The following CEP128 variants were observed in gnomAD, a reference collection of about 807,000 sequenced individuals.
CEP128 encodes centrosomal protein 128kDa.
A neutral mutation model predicts 156.7 loss-of-function variants in CEP128; 132 were observed. The ratio of observed to expected loss-of-function variants is 0.84; its 90% CI spans 0.73 to 0.97. The LOEUF (loss-of-function observed/expected upper bound fraction) is 0.97. Among genes scored for constraint, CEP128 ranks in the 50% least tolerant of loss-of-function variants. The probability of loss-of-function intolerance (pLI) is 0.00; values close to 1 mark genes in which losing one functional copy is unlikely to be tolerated. For synonymous variants in CEP128, 469 were observed against 448.9 expected (o/e 1.04, Z -0.57); for missense variants, 1,252 against 1,281.9 (o/e 0.98, Z 0.36).
At chr14:80,770,968 G>C (rs1208466609) in intron 16 of CEP128, among the ~76,000 whole-genome samples, 1 of 152,168 alleles carries the variant, frequency 6.6e-6, no homozygotes, top group Non-Finnish European at 1.5e-5. Flanking sequence ...ACTTTGCAAA[G>C]TAGTGAATAC....
intron 19 of CEP128, among the ~76,000 whole-genome samples, chr14:80,596,819 C>CA (rs57402112): frequency 0.16 from 2,286 of 13,974 alleles, 639 homozygotes; most frequent in Admixed American, 0.22. Context: ...GACACTGTCA[C>CA]AAAAAAAAAA....
At chr14:80,769,942 T>A (rs930386267) in intron 16 of CEP128, among the ~76,000 whole-genome samples, 6 of 152,350 alleles carry the variant, frequency 3.9e-5, no homozygotes, top group African/African-American at 1.4e-4. Flanking sequence ...AGAACTTTCA[T>A]GTTGCCTATT....
At chr14:80,924,026 T>C (rs1393396384) in intron 2 of CEP128, among the ~76,000 whole-genome samples, 2 of 152,204 alleles carry the variant, frequency 1.3e-5, no homozygotes, top group African/African-American at 2.4e-5. Context: ...TCCACCATGA[T>C]TGTAAGTTTC....
At chr14:80,887,744 C>A (rs978088629) in intron 8 of CEP128, among the ~76,000 whole-genome samples, 7 of 152,028 alleles carry the variant, frequency 4.6e-5, no homozygotes, top group African/African-American at 1.7e-4. Flanking sequence ...CAAAAGAATT[C>A]AAAAGCTAGG....
chr14:80,594,179 C>T (rs1892213924), intron 19 of CEP128, among the ~76,000 whole-genome samples: 1 of 152,154 alleles, frequency 6.6e-6, no homozygotes, highest in Non-Finnish European at 1.5e-5. Context: ...ACATCTACAA[C>T]CATTTCACCT....
chr14:80,812,414 A>G (rs974313793), intron 13 of CEP128, among the ~76,000 whole-genome samples: 24 of 152,336 alleles, frequency 1.6e-4, no homozygotes, highest in Non-Finnish European at 3.4e-4. Context: ...CTTTCAGTAT[A>G]TACCCAGTAA....
intron 14 of CEP128, among the ~76,000 whole-genome samples, chr14:80,786,680 G>A (rs1901425229): frequency 6.6e-6 from 1 of 152,172 alleles, no homozygotes; most frequent in Admixed American, 6.5e-5. Flanking sequence ...TCTCTTACTA[G>A]AGAAAATAAT....
chr14:80,854,793 G>C (rs1887065183), intron 9 of CEP128, among the ~76,000 whole-genome samples: 1 of 152,056 alleles, frequency 6.6e-6, no homozygotes. Flanking sequence ...GTATTAATGT[G>C]GTCACTACTT....
intron 19 of CEP128, among the ~76,000 whole-genome samples, chr14:80,736,422 A>G (rs1303693136): frequency 6.6e-6 from 1 of 152,196 alleles, no homozygotes; most frequent in Non-Finnish European, 1.5e-5. Flanking sequence ...TGCTACACAA[A>G]TAATCTATAA....
At chr14:80,773,266 T>C (rs922551089) in intron 16 of CEP128, among the ~76,000 whole-genome samples, 1 of 152,198 alleles carries the variant, frequency 6.6e-6, no homozygotes, top group East Asian at 1.9e-4. Flanking sequence ...ATGGTGTTTG[T>C]GTTAGACTTA....
intron 20 of CEP128, among the ~76,000 whole-genome samples, chr14:80,568,066 T>C (rs1045411522): frequency 3.9e-5 from 6 of 152,208 alleles, no homozygotes; most frequent in African/African-American, 1.4e-4. Context: ...TGAGCAGGCT[T>C]GTGTCATGCA....
chr14:80,752,520 T>G (rs938524724), intron 18 of CEP128, among the ~76,000 whole-genome samples: 4 of 152,248 alleles, frequency 2.6e-5, no homozygotes, highest in African/African-American at 9.6e-5. Flanking sequence ...GTCAAGATAC[T>G]GAGTACAGTA....
chr14:80,806,558 G>A (rs141524136), intron 13 of CEP128, among the ~76,000 whole-genome samples: 49 of 152,136 alleles, frequency 3.2e-4, no homozygotes, highest in African/African-American at 1.1e-3. Flanking sequence ...TTTCAATACT[G>A]CAACTCTGAT....
intron 12 of CEP128, 40 bp downstream of exon 12, chr14:80,836,165 A>G: frequency 6.2e-7 from 1 of 1,600,962 alleles, no homozygotes. Flanking sequence ...AAAAGCCCCC[A>G]CACACATTAT....
intron 23 of CEP128, among the ~76,000 whole-genome samples, chr14:80,512,102 C>T (rs1888286964): frequency 1.3e-5 from 2 of 151,986 alleles, no homozygotes; most frequent in Admixed American, 1.3e-4. Context: ...GTCTATACTA[C>T]AGATTAAGTC....
chr14:80,548,137 A>G (rs1439377858), intron 21 of CEP128, among the ~76,000 whole-genome samples: 2 of 151,588 alleles, frequency 1.3e-5, no homozygotes, highest in Non-Finnish European at 3.0e-5. Flanking sequence ...GTCCAGCCCA[A>G]TCATGAAAAA....
chr14:80,602,081 C>T (rs1227016300), intron 19 of CEP128, among the ~76,000 whole-genome samples: 4 of 152,032 alleles, frequency 2.6e-5, no homozygotes, highest in Non-Finnish European at 4.4e-5. Context: ...GACTTTTAGA[C>T]AAAACTTGTT....
chr14:80,949,151 AT>A (rs1292795531), intron 2 of CEP128, among the ~76,000 whole-genome samples: 2 of 152,200 alleles, frequency 1.3e-5, no homozygotes, highest in Non-Finnish European at 2.9e-5. Flanking sequence ...AGCGGCTATC[AT>A]ACCAAGAAAG....
chr14:80,941,849 C>T (rs187239402), upstream of CEP128: 2 of 152,650 alleles, frequency 1.3e-5, no homozygotes, highest in African/African-American at 4.8e-5. Context: ...GAGAGAGTCC[C>T]GAAAAGGAAC....
Sources: gnomAD v4.1 joint callset for allele counts (sites outside exome capture counted in the v4.1 genomes callset) on GRCh38, gnomAD v4.1.1 for gene constraint, MANE v1.5 for transcripts, NCBI Gene and HGNC (gene_info 2026-07-23, HGNC 2026-07-21) for gene names.